Variants in GRID1 observed in about 807,000 individuals in gnomAD.
GRID1 encodes the protein glutamate ionotropic receptor delta type subunit 1.
In GRID1, 28 loss-of-function variants were observed where a neutral mutation model predicts 98.0. The ratio of observed to expected loss-of-function variants is 0.29; its 90% confidence interval spans 0.21 to 0.39. The LOEUF is 0.39. Among genes scored for constraint, GRID1 ranks in the 10% least tolerant of loss-of-function variants. The pLI is 1.00. For missense variants in GRID1, 1,111 were observed against 1,340.5 expected (o/e 0.83, Z 2.67); for synonymous variants, 553 against 538.5 (o/e 1.03, Z -0.37).
intron 5 of GRID1, among the ~76,000 whole-genome samples, chr10:85,881,070 C>T (rs1007077059): frequency 1.3e-5 from 2 of 152,042 alleles, no homozygotes; most frequent in African/African-American, 2.4e-5. Context: ...TTACAAGGGA[C>T]GTGAGGGACC....
chr10:85,838,833 CA>C (rs1842935515), intron 8 of GRID1, among the ~76,000 whole-genome samples: 2 of 152,060 alleles, frequency 1.3e-5, no homozygotes, highest in Admixed American at 6.5e-5. Flanking sequence ...TAAATGCCCA[CA>C]ATTAAGCACA....
intron 8 of GRID1, among the ~76,000 whole-genome samples, chr10:85,821,231 G>C (rs1027130078): frequency 6.6e-6 from 1 of 151,662 alleles, no homozygotes; most frequent in Non-Finnish European, 1.5e-5. Flanking sequence ...ACAGAAAACA[G>C]ATCAGGCTGG....
chr10:86,173,079 C>T (rs1210020163), intron 3 of GRID1, among the ~76,000 whole-genome samples: 1 of 152,168 alleles, frequency 6.6e-6, no homozygotes, highest in East Asian at 1.9e-4. Flanking sequence ...TATCTGTCAC[C>T]CAGGCTGGAG....
At chr10:86,178,747 T>G (rs1231882107) in intron 3 of GRID1, among the ~76,000 whole-genome samples, 1 of 152,076 alleles carries the variant, frequency 6.6e-6, no homozygotes. Context: ...CTGATTTCAC[T>G]CCCCTCCCTG....
rs1162181050 is a variant in GRID1 at position 86,110,199 on chromosome 10, C to T, written c.726+28620G>A. ...ATATTGGTCAGGCTGATCTCGAAAT[C>T]CTGACCTCAGGTGATCCACCTGCCT... On this transcript the variant is annotated intron_variant, in intron 4 of 15. Coordinates refer to ENST00000327946, the MANE Select transcript of GRID1 (RefSeq NM_017551.3). Among the ~76,000 whole-genome samples the T allele has an allele frequency of 5.3e-5, 8 of 152,104 alleles. No homozygotes were observed. The East Asian group carries it at 1.4e-3, about 26-fold the overall frequency.
At chr10:85,752,641 A>G (rs1460080489) in intron 8 of GRID1, among the ~76,000 whole-genome samples, 3 of 152,174 alleles carry the variant, frequency 2.0e-5, no homozygotes, top group African/African-American at 7.2e-5. Flanking sequence ...TAAATATTCT[A>G]TTGCTAACTT....
chr10:85,618,265 C>G (rs1472736269), intron 14 of GRID1, among the ~76,000 whole-genome samples: 1 of 152,098 alleles, frequency 6.6e-6, no homozygotes, highest in Non-Finnish European at 1.5e-5. Flanking sequence ...ATGAGCGCTG[C>G]CTTGGGGTAC....
At chr10:85,964,939 T>C (rs1406135858) in intron 4 of GRID1, among the ~76,000 whole-genome samples, 1 of 151,938 alleles carries the variant, frequency 6.6e-6, no homozygotes, top group Admixed American at 6.6e-5. Flanking sequence ...GAAACAAATT[T>C]ACAAGAAAAA....
intron 3 of GRID1, among the ~76,000 whole-genome samples, chr10:86,160,425 A>G (rs1382632644): frequency 6.6e-6 from 1 of 152,216 alleles, no homozygotes; most frequent in Non-Finnish European, 1.5e-5. Flanking sequence ...CTTTAGGACC[A>G]GTGACATCAG....
intron 13 of GRID1, among the ~76,000 whole-genome samples, chr10:85,620,840 A>G (rs1285478845): frequency 3.3e-5 from 5 of 152,228 alleles, no homozygotes; most frequent in Admixed American, 3.3e-4. Flanking sequence ...GTGTGCACAT[A>G]TGCATGCACA....
At chr10:86,335,220 G>A (rs1034246642) in intron 2 of GRID1, among the ~76,000 whole-genome samples, 8 of 152,262 alleles carry the variant, frequency 5.3e-5, no homozygotes, top group African/African-American at 1.7e-4. Flanking sequence ...CCTCCAGGAT[G>A]CCAGGTGGGG....
intron 8 of GRID1, among the ~76,000 whole-genome samples, chr10:85,749,716 C>T (rs1168405658): frequency 6.6e-6 from 1 of 152,188 alleles, no homozygotes; most frequent in Non-Finnish European, 1.5e-5. Context: ...CTTTCTGTTC[C>T]TCAGACAGTC....
intron 3 of GRID1, among the ~76,000 whole-genome samples, chr10:86,171,405 A>G (rs1037373482): frequency 5.3e-5 from 8 of 152,236 alleles, no homozygotes; most frequent in African/African-American, 1.7e-4. Flanking sequence ...TGTCTCTCCC[A>G]TAACATTTTA....
rs556918066 is a variant in GRID1, at chr10:86,195,815, G to A, written c.520+10549C>T. Among the ~76,000 whole-genome samples the A allele has an allele frequency of 2.6e-5, 4 of 151,950 alleles. No individual in the cohort carries two copies. The highest frequency in any genetic ancestry group is 6.6e-5 in the Admixed American group (1 of 15,254). ...TCCCAGAGCCTTCCACAGAAAATAC[G>A]GGGCAGGCAGCTGCCACCTGGATCA... On this transcript the variant is annotated intron_variant, in intron 3 of 15. Coordinates refer to ENST00000327946, the MANE Select transcript of GRID1 (RefSeq NM_017551.3). This position sits in a 1 kb window ranked among gnomAD's most constrained non-coding sequence, Gnocchi z 4.4.
At chr10:86,040,257 G>A (rs1187055311) in intron 4 of GRID1, among the ~76,000 whole-genome samples, 1 of 152,070 alleles carries the variant, frequency 6.6e-6, no homozygotes, top group Non-Finnish European at 1.5e-5. Flanking sequence ...ATATCCAAAG[G>A]AAATAAAATC....
chr10:86,172,042 C>T (rs769176022), intron 3 of GRID1, among the ~76,000 whole-genome samples: 11 of 151,248 alleles, frequency 7.3e-5, no homozygotes, highest in African/African-American at 1.2e-4. Context: ...CTTAAGTGTA[C>T]AATTGAATGG....
intron 12 of GRID1, among the ~76,000 whole-genome samples, chr10:85,655,792 C>T (rs1357306608): frequency 1.3e-5 from 2 of 152,160 alleles, no homozygotes; most frequent in African/African-American, 4.8e-5. Context: ...TGCCTTCCAT[C>T]CTTTTAAAAT....
At chr10:85,647,574 C>T (rs2132552912) in intron 12 of GRID1, 177 bp from the exon 13 acceptor site, 1 of 597,134 alleles carries the variant, frequency 1.7e-6, no homozygotes, top group South Asian at 2.1e-5. Context: ...ACTTGCAGCG[C>T]CTCATTCAAT....
At chr10:86,302,148 C>T (rs1156514489) in intron 2 of GRID1, among the ~76,000 whole-genome samples, 2 of 152,212 alleles carry the variant, frequency 1.3e-5, no homozygotes, top group African/African-American at 4.8e-5. Context: ...GTCTAGGTCA[C>T]AGCCAGGTGA....
Sources: gnomAD v4.1 joint callset for allele counts (sites outside exome capture counted in the v4.1 genomes callset) on GRCh38, gnomAD v4.1.1 for gene constraint, Gnocchi (gnomAD v3.1) non-coding constraint, MANE v1.5 for transcripts, NCBI Gene and HGNC (gene_info 2026-07-23, HGNC 2026-07-21) for gene names.